DLEU7: variants seen among roughly 807,000 people sequenced by gnomAD.
The protein encoded by DLEU7 is deleted in lymphocytic leukemia 7, also known as leukemia-associated protein 7.
DLEU7 carries 17 observed loss-of-function variants against 16.0 expected under a neutral mutation model. The ratio of observed to expected loss-of-function variants is 1.06; its 90% CI spans 0.73 to 1.59. DLEU7 has a LOEUF of 1.59. DLEU7 is among the 40% of genes most tolerant of loss of function. The pLI, the probability that DLEU7 is intolerant of heterozygous loss-of-function variation, is 0.00. For synonymous variants in DLEU7, 113 were observed against 139.8 expected (o/e 0.81, Z 1.35); for missense variants, 308 against 314.9 (o/e 0.98, Z 0.17).
intron 1 of DLEU7, among the ~76,000 whole-genome samples, chr13:50,773,212 C>G (rs752722516): frequency 1.3e-5 from 2 of 152,168 alleles, no homozygotes; most frequent in Admixed American, 1.3e-4. Context: ...TGGGTTCAGA[C>G]ATCCTCCTTT....
At chr13:50,760,806 G>T (rs1364313359) in intron 1 of DLEU7, among the ~76,000 whole-genome samples, 1 of 152,160 alleles carries the variant, frequency 6.6e-6, no homozygotes, top group Non-Finnish European at 1.5e-5. Flanking sequence ...GCCAGTATAG[G>T]TTAGGCTATG....
intron 1 of DLEU7, among the ~76,000 whole-genome samples, chr13:50,811,256 G>A (rs1319678078): frequency 6.6e-6 from 1 of 152,106 alleles, no homozygotes; most frequent in Non-Finnish European, 1.5e-5. Context: ...AACAGTTTAG[G>A]CAGAAACTGA....
chr13:50,822,436 C>T (rs143152291), downstream of DLEU7, among the ~76,000 whole-genome samples: 193 of 151,886 alleles, frequency 1.3e-3, 3 homozygotes, highest in Non-Finnish European at 6.8e-4. Context: ...GCTCTCAACA[C>T]AGTCATCATT....
chr13:50,735,107 T>C (rs576054674), intron 1 of DLEU7, among the ~76,000 whole-genome samples: 15 of 152,288 alleles, frequency 9.8e-5, no homozygotes, highest in African/African-American at 3.6e-4. Context: ...AGATTTTTAG[T>C]TATAAATGTG....
chr13:50,834,522 C>A (rs962138975), intron 1 of DLEU7, among the ~76,000 whole-genome samples: 10 of 151,932 alleles, frequency 6.6e-5, no homozygotes, highest in Non-Finnish European at 1.5e-4. Flanking sequence ...GAACGGAGAT[C>A]ATTAAAAAGT....
chr13:50,815,345 A>G (rs1323080934), intron 1 of DLEU7, among the ~76,000 whole-genome samples: 1 of 142,100 alleles, frequency 7.0e-6, no homozygotes, highest in Non-Finnish European at 1.5e-5. Flanking sequence ...ACACTCAAAG[A>G]TCTTTTAAAC....
At chr13:50,734,545 C>T (rs1874010459) in intron 1 of DLEU7, among the ~76,000 whole-genome samples, 1 of 152,030 alleles carries the variant, frequency 6.6e-6, no homozygotes, top group African/African-American at 2.4e-5. Flanking sequence ...AGCCAAAGCA[C>T]ACTCAAATTG....
chr13:50,798,871 A>AC (rs1470298281), intron 1 of DLEU7, among the ~76,000 whole-genome samples: 1 of 152,062 alleles, frequency 6.6e-6, no homozygotes, highest in Non-Finnish European at 1.5e-5. Context: ...GGACCCACTC[A>AC]CCTGTGTGGG....
Position 50,786,761 on chromosome 13 carries a change from T to C in DLEU7, c.459+56427A>G, listed in dbSNP as rs560053106. ...ACTCTTTGTGTGAGTTAAAAATGAA[T>C]GTTATGACCCTCAAAGGGCATCTGA... On this transcript the variant is annotated intron_variant, in intron 1 of 1. Coordinates refer to the DLEU7 transcript ENST00000400393. Among the ~76,000 whole-genome samples, 162 of 152,330 alleles carry C rather than the reference T, an allele frequency of 1.1e-3. 1 individual carries two copies. Among genetic ancestry groups the C allele is most frequent in the Admixed American group, 5.3e-3 (81 of 15,300 alleles).
downstream of DLEU7, among the ~76,000 whole-genome samples, chr13:50,820,082 G>T (rs182901434): frequency 6.6e-6 from 1 of 152,070 alleles, no homozygotes; most frequent in African/African-American, 2.4e-5. Flanking sequence ...ATAGTCAGCC[G>T]CATCAAAAGC....
chr13:50,748,955 T>C (rs1340981832), intron 1 of DLEU7, among the ~76,000 whole-genome samples: 1 of 152,094 alleles, frequency 6.6e-6, no homozygotes, highest in Non-Finnish European at 1.5e-5. Context: ...GTAAGTTCTT[T>C]AGTGGTGATT....
At chr13:50,788,706 T>C (rs189347660) in intron 1 of DLEU7, among the ~76,000 whole-genome samples, 1 of 152,270 alleles carries the variant, frequency 6.6e-6, no homozygotes, top group African/African-American at 2.4e-5. Context: ...GGCCCTCGCC[T>C]GGGATGTTCA....
At chr13:50,822,887 TATCTC>T (rs773945628), downstream of DLEU7, 61 of 989,278 alleles carry the variant, frequency 6.2e-5, no homozygotes, top group African/African-American at 1.2e-4. Flanking sequence ...AATTATCAAA[TATCTC>T]ATTCATTCAA....
intron 1 of DLEU7, chr13:50,808,676 C>G (rs1490920178): frequency 6.6e-6 from 1 of 152,000 alleles, no homozygotes; most frequent in African/African-American, 2.4e-5. Flanking sequence ...AGAAATAAGA[C>G]AGCAACACCA....
intron 1 of DLEU7, among the ~76,000 whole-genome samples, chr13:50,791,700 A>C (rs1407649243): frequency 6.6e-6 from 1 of 152,158 alleles, no homozygotes; most frequent in Non-Finnish European, 1.5e-5. Flanking sequence ...TATGAATACA[A>C]ATTGGCCTGA....
At chr13:50,830,669 A>C (rs762313103) in intron 1 of DLEU7, among the ~76,000 whole-genome samples, 6 of 152,198 alleles carry the variant, frequency 3.9e-5, no homozygotes, top group Non-Finnish European at 8.8e-5. Context: ...CAATCAAAGA[A>C]ATAGCTCTAG....
At chr13:50,840,601 G>GT (rs1877621609) in intron 1 of DLEU7, among the ~76,000 whole-genome samples, 1 of 152,168 alleles carries the variant, frequency 6.6e-6, no homozygotes, top group South Asian at 2.1e-4. Flanking sequence ...TGTTTTCAAA[G>GT]TTTGCTCATG....
intron 1 of DLEU7, among the ~76,000 whole-genome samples, chr13:50,759,073 C>T (rs1473127898): frequency 6.6e-6 from 1 of 152,222 alleles, no homozygotes; most frequent in Admixed American, 6.5e-5. Flanking sequence ...ATCGGAATTC[C>T]TTTGAAAATT....
At chr13:50,712,965 G>A (rs1873336817) in exon 2 of DLEU7, 4 of 480,770 alleles carry the variant, frequency 8.3e-6, no homozygotes, top group Non-Finnish European at 1.5e-5. Flanking sequence ...CAAGATGACA[G>A]GATTACTTGG....
Sources: allele counts gnomAD v4.1 joint callset (sites outside exome capture counted in the v4.1 genomes callset), GRCh38; gene constraint gnomAD v4.1.1; transcripts MANE v1.5; gene names NCBI Gene and HGNC (gene_info 2026-07-23, HGNC 2026-07-21).